Variants in NPR3 observed in about 807,000 individuals in gnomAD.
NPR3 encodes the protein natriuretic peptide receptor 3, also known as atrial natriuretic peptide receptor 3.
A neutral mutation model predicts 54.5 loss-of-function variants in NPR3; 34 were observed. That is an observed-to-expected ratio of 0.62 (90% CI 0.47 to 0.83). The LOEUF (loss-of-function observed/expected upper bound fraction) is 0.83. NPR3 is among the 40% of genes least tolerant of loss of function. The pLI is 0.00. For synonymous variants in NPR3, 289 were observed against 297.1 expected, an observed-to-expected ratio of 0.97 and a Z score of 0.28; for missense variants, 674 against 720.8, an observed-to-expected ratio of 0.94 and a Z score of 0.74.
intron 1 of NPR3, among the ~76,000 whole-genome samples, chr5:32,712,828 T>G (rs562060906): frequency 6.6e-6 from 1 of 152,256 alleles, no homozygotes; most frequent in East Asian, 1.9e-4. Flanking sequence ...ACTTCGATGT[T>G]TTTTCTTCCC....
chr5:32,732,591 T>C (rs866846532), intron 2 of NPR3, among the ~76,000 whole-genome samples: 2 of 152,178 alleles, frequency 1.3e-5, no homozygotes, highest in South Asian at 2.1e-4. Flanking sequence ...CCACAGACTC[T>C]GAAGCACCCT....
chr5:32,739,144 T>A, intron 3 of NPR3, 114 bp downstream of exon 3: 1 of 1,035,110 alleles, frequency 9.7e-7, no homozygotes, highest in Non-Finnish European at 1.4e-6. Flanking sequence ...TAGGTTCAGG[T>A]CTGAATGTCA....
upstream of NPR3, chr5:32,711,306 A>G (rs565655829): frequency 1.7e-5 from 16 of 962,266 alleles, 1 homozygote; most frequent in South Asian, 5.3e-4. Flanking sequence ...AACGCGGGCT[A>G]TGGATCCAGG....
intron 3 of NPR3, among the ~76,000 whole-genome samples, chr5:32,754,629 T>C (rs1191308566): frequency 6.6e-6 from 1 of 152,126 alleles, no homozygotes; most frequent in Non-Finnish European, 1.5e-5. Flanking sequence ...ATTTTTTTTC[T>C]CCTCTGGGGT....
chr5:32,785,283 G>A (rs1742559775), intron 7 of NPR3, among the ~76,000 whole-genome samples: 1 of 151,770 alleles, frequency 6.6e-6, no homozygotes, highest in African/African-American at 2.4e-5. Context: ...ACGAGGAGCT[G>A]GGACTACAGG....
In NPR3 at chr5:32,791,479, T is replaced by G. The variant is rs1289637314; in HGVS notation, c.*5134T>G. On this transcript the variant is annotated 3_prime_UTR_variant, in exon 8 of 8. Coordinates refer to ENST00000265074, the MANE Select transcript of NPR3 (RefSeq NM_001204375.2). Reference sequence around the variant, plus strand: ...TCTAATGTACAACTAACTATTTGCATATAATGTGATTTAATTTATTGCTGT... The same window carrying G: ...TCTAATGTACAACTAACTATTTGCAGATAATGTGATTTAATTTATTGCTGT... 3 of 167,128 alleles carry G rather than the reference T, an allele frequency of 1.8e-5. No individual in the cohort carries two copies. Among genetic ancestry groups the G allele is most frequent in the Non-Finnish European group, 2.9e-5 (2 of 68,116 alleles). The allele number at this position is 167,128 out of a possible 1,614,324, so 10.4% of individuals were successfully genotyped here.
chr5:32,783,557 GT>G (rs1392658718), intron 6 of NPR3: 7 of 152,400 alleles, frequency 4.6e-5, no homozygotes, highest in African/African-American at 1.7e-4. Flanking sequence ...AGAAATAATT[GT>G]TTTAGAGAAT....
At chr5:32,740,481 T>C (rs1739979687) in intron 3 of NPR3, among the ~76,000 whole-genome samples, 1 of 152,200 alleles carries the variant, frequency 6.6e-6, no homozygotes, top group South Asian at 2.1e-4. Context: ...ACATATACTA[T>C]ATTCACATCA....
At chr5:32,710,690 TC>T, upstream of NPR3, 1 of 1,544,576 alleles carries the variant, frequency 6.5e-7, no homozygotes, top group Non-Finnish European at 8.7e-7. Context: ...GGGACCTTGG[TC>T]CTTGTTCCCT....
At chr5:32,742,716 C>T (rs775433215) in intron 3 of NPR3, among the ~76,000 whole-genome samples, 7 of 152,022 alleles carry the variant, frequency 4.6e-5, no homozygotes, top group Non-Finnish European at 1.0e-4. Flanking sequence ...CTGTGGGGTT[C>T]GGGGGACACT....
At chr5:32,749,310 G>T (rs1228708094) in intron 3 of NPR3, among the ~76,000 whole-genome samples, 1 of 151,956 alleles carries the variant, frequency 6.6e-6, no homozygotes, top group Non-Finnish European at 1.5e-5. Flanking sequence ...AAGGAAAAAA[G>T]ATTTTTTAAA....
chr5:32,733,747 C>A (rs190515715), intron 2 of NPR3, among the ~76,000 whole-genome samples: 2 of 152,316 alleles, frequency 1.3e-5, no homozygotes, highest in East Asian at 3.9e-4. Context: ...ATTCATCAAT[C>A]ATAACAGCTG....
intron 4 of NPR3, among the ~76,000 whole-genome samples, chr5:32,776,059 C>CTATTATTATTATTAT (rs752545857): frequency 1.3e-5 from 2 of 152,200 alleles, no homozygotes; most frequent in Non-Finnish European, 2.9e-5. Flanking sequence ...CTGTGTATCA[C>CTATTATTATTATTAT]TATTAATGAT....
rs1234641999 is a variant in NPR3 at position 32,791,251 on chromosome 5, C to T, written c.*4906C>T. On this transcript the variant is annotated 3_prime_UTR_variant, in exon 8 of 8. Transcript: ENST00000265074. ...TTGTGTTGGGTCCTGGGAATCTGAG[C>T]TTTGTTCCCTGTGCATGGTGGATAA... is the stretch of plus-strand genomic sequence containing the variant. 1 of 167,096 alleles carries T rather than the reference C, an allele frequency of 6.0e-6. No homozygotes were observed. Among genetic ancestry groups the T allele is most frequent in the Non-Finnish European group, 1.5e-5 (1 of 68,154 alleles). 10.4% of individuals were successfully genotyped at this position (167,096 alleles called of 1,614,324 possible). A position where few individuals can be genotyped will look rare whatever the true frequency, so the allele number is the denominator to read the frequency against.
At chr5:32,763,658 G>A (rs1741293435) in intron 3 of NPR3, among the ~76,000 whole-genome samples, 1 of 151,886 alleles carries the variant, frequency 6.6e-6, no homozygotes, top group African/African-American at 2.4e-5. Context: ...ATTTATAATA[G>A]CTGCTTTAAA....
At chr5:32,746,074 A>G (rs1394097334) in intron 3 of NPR3, among the ~76,000 whole-genome samples, 1 of 152,234 alleles carries the variant, frequency 6.6e-6, no homozygotes, top group Middle Eastern at 3.2e-3. Flanking sequence ...CACGCTGGTG[A>G]TAATCACAGG....
chr5:32,691,745 G>T (rs1331871320), intron 1 of NPR3, among the ~76,000 whole-genome samples: 1 of 152,180 alleles, frequency 6.6e-6, no homozygotes, highest in Non-Finnish European at 1.5e-5. Flanking sequence ...AAGTCTAAAA[G>T]GGGACACCGA....
At chr5:32,702,108 C>T (rs947196809) in intron 1 of NPR3, among the ~76,000 whole-genome samples, 4 of 152,192 alleles carry the variant, frequency 2.6e-5, no homozygotes, top group Non-Finnish European at 4.4e-5. Flanking sequence ...GTGTTCTTCT[C>T]TTCAGGATGC....
At chr5:32,706,396 T>A (rs1039790808), upstream of NPR3, among the ~76,000 whole-genome samples, 7 of 152,226 alleles carry the variant, frequency 4.6e-5, no homozygotes, top group African/African-American at 1.7e-4. Context: ...TTTACCAACA[T>A]GATCCTGAAG....
Sources: gnomAD v4.1 joint callset for allele counts (sites outside exome capture counted in the v4.1 genomes callset) on GRCh38, gnomAD v4.1.1 for gene constraint, MANE v1.5 for transcripts, NCBI Gene and HGNC (gene_info 2026-07-23, HGNC 2026-07-21) for gene names.